Variants in RERE observed in about 807,000 individuals in gnomAD.
The protein encoded by RERE is arginine-glutamic acid dipeptide repeats protein.
In RERE, 40 loss-of-function variants were observed where a neutral mutation model predicts 146.1. That is an observed-to-expected ratio of 0.27 (90% confidence interval 0.21 to 0.36). The LOEUF (loss-of-function observed/expected upper bound fraction) is 0.36. Among genes scored for constraint, RERE ranks in the 10% least tolerant of loss-of-function variants. RERE has a pLI of 1.00. For synonymous variants in RERE, 1,003 were observed against 866.0 expected, an observed-to-expected ratio of 1.16 and a Z score of -2.78; for missense variants, 1,933 against 2,138.7, an observed-to-expected ratio of 0.90 and a Z score of 1.90.
At chr1:8,732,988 A>AT (rs1233937378) in intron 1 of RERE, among the ~76,000 whole-genome samples, 3 of 151,276 alleles carry the variant, frequency 2.0e-5, no homozygotes, top group African/African-American at 4.9e-5. Context: ...CGCCCGGCTA[A>AT]TTTTTTGTAT....
chr1:8,522,125 T>C (rs1238456139), intron 7 of RERE, among the ~76,000 whole-genome samples: 1 of 152,212 alleles, frequency 6.6e-6, no homozygotes, highest in Non-Finnish European at 1.5e-5. Flanking sequence ...TAAATCAGAC[T>C]CATGCTTTAT....
At chr1:8,804,501 C>A (rs75920905) in intron 1 of RERE, among the ~76,000 whole-genome samples, 1,607 of 152,252 alleles carry the variant, frequency 0.011, 29 homozygotes, top group African/African-American at 0.037. Context: ...TCCCTTCCTC[C>A]AGAGTAAGAG....
chr1:8,686,175 GT>G (rs966469491), intron 1 of RERE, among the ~76,000 whole-genome samples: 2 of 151,936 alleles, frequency 1.3e-5, no homozygotes, highest in Non-Finnish European at 2.9e-5. Context: ...TAGAGACGGG[GT>G]TTTGCCATGT....
At chr1:8,400,820 A>G (rs1435011648) in intron 12 of RERE, among the ~76,000 whole-genome samples, 2 of 133,372 alleles carry the variant, frequency 1.5e-5, no homozygotes, top group East Asian at 2.2e-4. Flanking sequence ...CCTGGGTAAC[A>G]TGGTGAAACA....
At chr1:8,390,758 G>A (rs181893182) in intron 12 of RERE, among the ~76,000 whole-genome samples, 1 of 152,024 alleles carries the variant, frequency 6.6e-6, no homozygotes, top group Non-Finnish European at 1.5e-5. Flanking sequence ...ATACAAGAGG[G>A]AACTCCTGAT....
rs760184207 is a variant in RERE at position 8,358,387 on chromosome 1, C to A, written c.4148G>T (p.Gly1383Val). The change falls in exon 20 of 23, where the codon GGC becomes GTC. Residue 1383 changes from glycine to valine, a missense_variant. Gly to Val is a moderately radical substitution (Grantham distance 109). This residue lies in a region of RERE where 1,255 missense variants were observed against 1,153.8 expected (regional missense o/e 1.09). Transcript: ENST00000400908. ...PLERERLALA[G>V]PQLRPEMSYP... ...GCTCATCTCGGGCCGCAGCTGGGGG[C>A]CCGCCAGGGCCAGTCTCTCCCTCTC... The A allele has an allele frequency of 1.3e-5, 21 of 1,607,526 alleles. No individual in the cohort carries two copies. Among genetic ancestry groups the A allele is most frequent in the African/African-American group, 4.0e-5 (3 of 74,838 alleles).
intron 4 of RERE, among the ~76,000 whole-genome samples, chr1:8,602,450 A>T (rs1277853559): frequency 6.6e-6 from 1 of 151,860 alleles, no homozygotes; most frequent in Non-Finnish European, 1.5e-5. Context: ...TTCACTGGAA[A>T]ATTTATATGC....
chr1:8,574,531 T>G (rs1413326180), intron 4 of RERE, among the ~76,000 whole-genome samples: 1 of 151,948 alleles, frequency 6.6e-6, no homozygotes, highest in Non-Finnish European at 1.5e-5. Flanking sequence ...GTATTTTTAG[T>G]AGAGATAGGG....
intron 12 of RERE, among the ~76,000 whole-genome samples, chr1:8,412,224 A>G (rs1195317801): frequency 6.6e-6 from 1 of 152,260 alleles, no homozygotes; most frequent in Non-Finnish European, 1.5e-5. Context: ...CAATGGCAGC[A>G]GCTGCAAATA....
chr1:8,541,013 CA>C (rs778743848), intron 7 of RERE, among the ~76,000 whole-genome samples, 200 bp downstream of exon 7: 7 of 151,956 alleles, frequency 4.6e-5, no homozygotes, highest in Non-Finnish European at 1.0e-4. Context: ...AAAGAGCAAA[CA>C]AAAAGCCACT....
intron 12 of RERE, among the ~76,000 whole-genome samples, chr1:8,380,309 G>A (rs1469436280): frequency 6.6e-6 from 1 of 151,254 alleles, no homozygotes; most frequent in African/African-American, 2.4e-5. Context: ...TCAAGCCTAG[G>A]TCCCAGACAC....
chr1:8,671,295 G>A (rs560175149), intron 1 of RERE, among the ~76,000 whole-genome samples: 1 of 152,216 alleles, frequency 6.6e-6, no homozygotes, highest in Non-Finnish European at 1.5e-5. Flanking sequence ...ATGGTAGAAT[G>A]ATGGAAAGAC....
chr1:8,805,845 T>A (rs1168336988), intron 1 of RERE: 1 of 15,896 alleles, frequency 6.3e-5, no homozygotes, highest in East Asian at 3.2e-4. Context: ...AACAACCTTC[T>A]TTTTTTTTTT....
chr1:8,779,292 C>T (rs1295715648), intron 1 of RERE, among the ~76,000 whole-genome samples: 2 of 151,078 alleles, frequency 1.3e-5, no homozygotes, highest in East Asian at 2.0e-4. Flanking sequence ...GTTTGGGAGG[C>T]CGAGGTGGGC....
intron 12 of RERE, among the ~76,000 whole-genome samples, chr1:8,411,134 T>C (rs1245550312): frequency 1.3e-5 from 2 of 152,080 alleles, no homozygotes; most frequent in South Asian, 2.1e-4. Context: ...CTAAGATATA[T>C]TGGACAAATG....
chr1:8,713,456 A>G (rs11121224), intron 1 of RERE, among the ~76,000 whole-genome samples: 87,779 of 152,068 alleles, frequency 0.58, 25,955 homozygotes, highest in East Asian at 0.85. Context: ...AACTTTGGCC[A>G]GGCACAGTGG....
intron 1 of RERE, among the ~76,000 whole-genome samples, chr1:8,800,770 G>A (rs914433929): frequency 2.0e-5 from 3 of 152,036 alleles, no homozygotes; most frequent in African/African-American, 4.8e-5. Flanking sequence ...TTTGAGACCA[G>A]CTTGGCCAAC....
At chr1:8,645,038 G>C (rs1647253232) in intron 2 of RERE, among the ~76,000 whole-genome samples, 2 of 152,110 alleles carry the variant, frequency 1.3e-5, no homozygotes. Flanking sequence ...CCAGCTGTGT[G>C]ACTTTGGCCT....
chr1:8,539,074 A>C (rs1245426356), intron 7 of RERE, among the ~76,000 whole-genome samples: 1 of 152,226 alleles, frequency 6.6e-6, no homozygotes, highest in Non-Finnish European at 1.5e-5. Context: ...TGAGAGTTGA[A>C]GAGTTAAAAG....
Sources: gnomAD v4.1 joint callset for allele counts (sites outside exome capture counted in the v4.1 genomes callset) on GRCh38, gnomAD v4.1.1 for gene constraint, gnomAD v4.1.1 regional missense constraint, MANE v1.5 for transcripts, NCBI Gene and HGNC (gene_info 2026-07-23, HGNC 2026-07-21) for gene names.